The following TEX9 variants were observed in gnomAD, a reference collection of about 807,000 sequenced individuals.
TEX9 encodes the protein testis expressed 9.
A neutral mutation model predicts 59.6 loss-of-function variants in TEX9; 74 were observed. The observed-to-expected ratio is 1.24, with a 90% CI of 1.03 to 1.51. TEX9 has a LOEUF of 1.51. Ranked by LOEUF, TEX9 falls within the 40% of genes most tolerant of loss-of-function variation. The pLI is 0.00. For missense variants in TEX9, 522 were observed against 447.8 expected (o/e 1.17, Z -1.49); for synonymous variants, 186 against 152.2 (o/e 1.22, Z -1.64).
At chr15:56,365,253 G>C (rs1016765383), upstream of TEX9, among the ~76,000 whole-genome samples, 1 of 152,206 alleles carries the variant, frequency 6.6e-6, no homozygotes, top group Non-Finnish European at 1.5e-5. Flanking sequence ...TTTGCAGTTA[G>C]GAAGCCTTCC....
At chr15:56,274,998 A>C (rs1464972637) in intron 1 of TEX9, among the ~76,000 whole-genome samples, 1 of 152,204 alleles carries the variant, frequency 6.6e-6, no homozygotes, top group East Asian at 1.9e-4. Flanking sequence ...TGCCAACAGC[A>C]AACTGTTGGT....
At chr15:56,276,051 G>A (rs2044660071) in intron 1 of TEX9, among the ~76,000 whole-genome samples, 1 of 151,706 alleles carries the variant, frequency 6.6e-6, no homozygotes, top group Non-Finnish European at 1.5e-5. Flanking sequence ...TCTTTTGTCT[G>A]TTTTTACAAT....
intron 7 of TEX9, among the ~76,000 whole-genome samples, chr15:56,391,648 T>C (rs1184395770): frequency 2.0e-5 from 3 of 152,056 alleles, no homozygotes; most frequent in Non-Finnish European, 2.9e-5. Context: ...ATGAGGTTCA[T>C]TGAACTCGCC....
chr15:56,313,025 T>C (rs375023033), intron 1 of TEX9, among the ~76,000 whole-genome samples: 2,218 of 102,332 alleles, frequency 0.022, no homozygotes, highest in South Asian at 0.03. Flanking sequence ...AAGTTGCTTA[T>C]CAGCTTAAGG....
At chr15:56,441,223 A>G (rs1370939040) in intron 12 of TEX9, among the ~76,000 whole-genome samples, 1 of 151,952 alleles carries the variant, frequency 6.6e-6, no homozygotes, top group African/African-American at 2.4e-5. Context: ...CTGATTTTTA[A>G]TTTAATTCCA....
chr15:56,365,660 GAAGAATATAAGT>G lies in TEX9; in HGVS notation c.115_119+7del. The G allele has an allele frequency of 6.2e-7, 1 of 1,614,146 alleles. No individual in the cohort carries two copies. The highest frequency in any genetic ancestry group is 2.2e-5 in the East Asian group (1 of 44,874). On this transcript the variant is annotated splice_donor_variant and coding_sequence_variant, in exon 2 of 13. Coordinates refer to ENST00000352903, the Ensembl canonical transcript of TEX9. LOFTEE classifies it high-confidence loss of function. The stretch of plus-strand genomic sequence containing the variant: ...TGGACCCGACCTCCTCGCCTTGGAG[GAAGAATATAAGT>G]AAGAAATTCGGCGGTTGAACTTTTC...
rs76443022 is a variant in TEX9, at chr15:56,365,961, G to A, written c.119+291G>A. On this transcript the variant is annotated intron_variant, in intron 2 of 12. Transcript: ENST00000352903. Reference sequence around the variant, plus strand: ...CAAGATACTGTTGGAAGTTATTTGGGTAGCAGGAATTGCCACGAATAGTTA... The same window carrying A: ...CAAGATACTGTTGGAAGTTATTTGGATAGCAGGAATTGCCACGAATAGTTA... 1.8e-3 allele frequency: 2,087 copies of A among 1,153,974 alleles called. 34 individuals are homozygous for A. The African/African-American group carries it at 0.028, about 16-fold the overall frequency. 71.5% of individuals were successfully genotyped at this position (1,153,974 alleles called of 1,614,324 possible).
intron 9 of TEX9, chr15:56,398,440 G>A (rs1306742105): frequency 6.6e-6 from 1 of 152,066 alleles, no homozygotes; most frequent in Non-Finnish European, 1.5e-5. Flanking sequence ...GGTCTAAAGG[G>A]AAAAAGCTGT....
chr15:56,415,187 T>C (rs879661089), intron 10 of TEX9, among the ~76,000 whole-genome samples: 7 of 151,550 alleles, frequency 4.6e-5, no homozygotes, highest in Non-Finnish European at 8.8e-5. Context: ...CTGTAGGTGG[T>C]CTTTTTACTC....
intron 4 of TEX9, 88 bp from the exon 5 acceptor site, chr15:56,388,384 T>G: frequency 9.3e-7 from 1 of 1,069,574 alleles, no homozygotes; most frequent in Non-Finnish European, 1.4e-6. Flanking sequence ...TGTTGAATAT[T>G]TTCCCTTTCA....
chr15:56,245,217 C>T (rs1475560598), intron 1 of TEX9, among the ~76,000 whole-genome samples: 6 of 152,294 alleles, frequency 3.9e-5, no homozygotes, highest in African/African-American at 1.4e-4. Context: ...GCCTGAAACC[C>T]TCTTGCTTTT....
At chr15:56,259,655 A>G (rs1463201167) in intron 1 of TEX9, among the ~76,000 whole-genome samples, 5 of 152,056 alleles carry the variant, frequency 3.3e-5, no homozygotes, top group African/African-American at 9.7e-5. Context: ...ATGGTAAGTT[A>G]TGCTATCTGA....
intron 1 of TEX9, among the ~76,000 whole-genome samples, chr15:56,277,698 T>G: frequency 6.6e-6 from 1 of 152,176 alleles, no homozygotes; most frequent in African/African-American, 2.4e-5. Flanking sequence ...TTTTTTTCTA[T>G]GTATTCATTT....
At chr15:56,433,708 G>A (rs1423563379) in intron 12 of TEX9, among the ~76,000 whole-genome samples, 1 of 152,022 alleles carries the variant, frequency 6.6e-6, no homozygotes, top group Non-Finnish European at 1.5e-5. Context: ...TTAATATACA[G>A]CTTTTCAATC....
At chr15:56,306,280 G>GAAAAAAAAAAAAAAAAAAAAAAAAAAA (rs2045484308) in intron 1 of TEX9, among the ~76,000 whole-genome samples, 1 of 72,020 alleles carries the variant, frequency 1.4e-5, no homozygotes. Flanking sequence ...AAAAAAAAAG[G>GAAAAAAAAAAAAAAAAAAAAAAAAAAA]AAATCAGTGT....
intron 1 of TEX9, among the ~76,000 whole-genome samples, chr15:56,320,131 C>G (rs1279385803): frequency 6.6e-6 from 1 of 152,186 alleles, no homozygotes; most frequent in Non-Finnish European, 1.5e-5. Context: ...CTTTTAAACT[C>G]TCATTTTATT....
chr15:56,290,421 A>G (rs79158715), intron 1 of TEX9, among the ~76,000 whole-genome samples: 9,257 of 151,982 alleles, frequency 0.061, 684 homozygotes, highest in East Asian at 0.37. Flanking sequence ...TTGGTGTCTC[A>G]GGTATGTTGA....
chr15:56,264,880 G>T (rs1596051448), intron 1 of TEX9, among the ~76,000 whole-genome samples: 1 of 152,136 alleles, frequency 6.6e-6, no homozygotes. Context: ...CTATGGAATT[G>T]CCTTTGCAAT....
At position 56,302,464 on chromosome 15, in the gene TEX9, C is replaced by T. The variant is rs563752793; in HGVS notation, c.-107+58186C>T. 2.7e-3 allele frequency among the ~76,000 whole-genome samples: 418 copies of T among 152,016 alleles called. 1 individual carries two copies. Among genetic ancestry groups the T allele is most frequent in the Non-Finnish European group, 4.7e-3 (318 of 67,956 alleles). On this transcript the variant is annotated intron_variant, in intron 1 of 5. Transcript: ENST00000560827. ...TGAGCCCAGGAGATCAAGGCTGTAG[C>T]GAGCCATGATTGCACCACTGCACTC...
Sources: allele counts gnomAD v4.1 joint callset (sites outside exome capture counted in the v4.1 genomes callset), GRCh38; gene constraint gnomAD v4.1.1; transcripts MANE v1.5; gene names NCBI Gene and HGNC (gene_info 2026-07-23, HGNC 2026-07-21).